Variants in ARHGAP24 observed in about 807,000 individuals in gnomAD.
The protein encoded by ARHGAP24 is rho GTPase-activating protein 24.
A neutral mutation model predicts 76.4 loss-of-function variants in ARHGAP24; 50 were observed. That is an observed-to-expected ratio of 0.65 (90% CI 0.52 to 0.83). ARHGAP24 has a LOEUF of 0.83. Ranked by LOEUF, ARHGAP24 falls within the 40% of genes least tolerant of loss-of-function variation. The probability of loss-of-function intolerance (pLI) is 0.00; values close to 1 mark genes in which losing one functional copy is unlikely to be tolerated. For synonymous variants in ARHGAP24, 345 were observed against 323.3 expected (o/e 1.07, Z -0.72); for missense variants, 930 against 914.2 (o/e 1.02, Z -0.22).
chr4:85,515,601 G>A lies in ARHGAP24; in HGVS notation c.-21+40042G>A, dbSNP rs150024052. 3.5e-4 allele frequency among the ~76,000 whole-genome samples: 53 copies of A among 151,830 alleles called. No individual in the cohort carries two copies. In the East Asian group the frequency reaches 9.7e-3, roughly 28 times the overall value. On this transcript the variant is annotated intron_variant, in intron 1 of 9. Coordinates refer to ENST00000395184, the MANE Select transcript of ARHGAP24 (RefSeq NM_001025616.3). Reference sequence around the variant, plus strand: ...CATATGTCCATAAATCATTCCATTAGCTGTTTCCAGAACTCTTCCTAGTTC... The same window carrying A: ...CATATGTCCATAAATCATTCCATTAACTGTTTCCAGAACTCTTCCTAGTTC...
intron 1 of ARHGAP24, among the ~76,000 whole-genome samples, chr4:85,487,654 TAC>T (rs60717883): frequency 1.0e-4 from 11 of 106,508 alleles, no homozygotes; most frequent in African/African-American, 4.1e-4. Flanking sequence ...ATATATTTAT[TAC>T]ATATTATATA....
intron 2 of ARHGAP24, among the ~76,000 whole-genome samples, chr4:85,677,083 A>G (rs573953504): frequency 4.6e-5 from 7 of 152,326 alleles, no homozygotes; most frequent in African/African-American, 1.4e-4. Context: ...TTATACAACA[A>G]GAAGCATTCC....
At chr4:85,899,047 G>A (rs145326115) in intron 3 of ARHGAP24, among the ~76,000 whole-genome samples, 85 of 152,232 alleles carry the variant, frequency 5.6e-4, no homozygotes, top group African/African-American at 2.0e-3. Flanking sequence ...CCCAGCCTGT[G>A]TATACATTTT....
intron 3 of ARHGAP24, among the ~76,000 whole-genome samples, chr4:85,767,097 ACTAT>A (rs1726955889): frequency 2.0e-5 from 3 of 152,148 alleles, no homozygotes; most frequent in Non-Finnish European, 4.4e-5. Context: ...AGTAGGCTAT[ACTAT>A]CTAAGTTTGT....
chr4:85,807,497 G>C (rs922233603), intron 3 of ARHGAP24, among the ~76,000 whole-genome samples: 5 of 152,198 alleles, frequency 3.3e-5, no homozygotes, highest in Non-Finnish European at 7.4e-5. Context: ...AAGTCACCAG[G>C]ATGTTGAATA....
At chr4:85,926,408 G>A (rs1191902649) in intron 4 of ARHGAP24, among the ~76,000 whole-genome samples, 2 of 152,078 alleles carry the variant, frequency 1.3e-5, no homozygotes, top group African/African-American at 4.8e-5. Context: ...CATTTAATTT[G>A]TAAGAAATCC....
At chr4:85,948,594 A>T (rs114130199) in intron 5 of ARHGAP24, among the ~76,000 whole-genome samples, 2 of 152,224 alleles carry the variant, frequency 1.3e-5, no homozygotes, top group Non-Finnish European at 2.9e-5. Flanking sequence ...TTGGCTGACA[A>T]TAAAATATTG....
At chr4:85,580,609 G>A (rs1425152734) in intron 2 of ARHGAP24, among the ~76,000 whole-genome samples, 2 of 152,090 alleles carry the variant, frequency 1.3e-5, no homozygotes, top group African/African-American at 4.8e-5. Flanking sequence ...ACTTTTTCCA[G>A]TTCTTTTGTC....
At chr4:85,539,479 G>A (rs73832791) in intron 1 of ARHGAP24, among the ~76,000 whole-genome samples, 17,175 of 151,896 alleles carry the variant, frequency 0.11, 3,091 homozygotes, top group African/African-American at 0.38. Context: ...GAAATAAATG[G>A]TCATAATCTA....
intron 2 of ARHGAP24, among the ~76,000 whole-genome samples, chr4:85,573,983 C>T (rs113191125): frequency 0.017 from 2,514 of 152,198 alleles, 77 homozygotes; most frequent in African/African-American, 0.056. Context: ...TATTTTGATG[C>T]GGTCTATTTC....
At chr4:85,599,801 A>G (rs1206926956) in intron 2 of ARHGAP24, among the ~76,000 whole-genome samples, 2 of 152,172 alleles carry the variant, frequency 1.3e-5, no homozygotes, top group African/African-American at 4.8e-5. Context: ...CAGAAATTAT[A>G]GATGTTTTGC....
In ARHGAP24 at chr4:85,864,595, T is replaced by C. The variant is rs1255127543; in HGVS notation, c.269-59053T>C. 7.2e-5 allele frequency among the ~76,000 whole-genome samples: 10 copies of C among 138,592 alleles called. No homozygotes were observed. The Admixed American group carries it at 8.0e-4, about 11-fold the overall frequency. 90.9% of individuals were successfully genotyped at this position (138,592 alleles called of 152,430 possible). ...TTATGATAGACAGGCAATTATCTGA[T>C]GTTGCAGGAAAATCAGTTTTTTTTT... is the stretch of plus-strand genomic sequence containing the variant. On this transcript the variant is annotated intron_variant, in intron 3 of 9. Transcript: ENST00000395184.
At chr4:85,653,325 T>C (rs79431344) in intron 2 of ARHGAP24, among the ~76,000 whole-genome samples, 1,743 of 152,244 alleles carry the variant, frequency 0.011, 34 homozygotes, top group African/African-American at 0.04. Context: ...GGTAATTTGG[T>C]AAAAGGGCCT....
At chr4:85,790,601 C>T (rs564933103) in intron 3 of ARHGAP24, among the ~76,000 whole-genome samples, 2 of 152,236 alleles carry the variant, frequency 1.3e-5, no homozygotes, top group South Asian at 2.1e-4. Context: ...CTTTCAACCA[C>T]AAGCATAAAG....
At chr4:85,652,693 G>C (rs971336980) in intron 2 of ARHGAP24, among the ~76,000 whole-genome samples, 4 of 152,140 alleles carry the variant, frequency 2.6e-5, no homozygotes, top group Admixed American at 2.0e-4. Flanking sequence ...AAAGAGAAGA[G>C]TGGAAATAGG....
intron 3 of ARHGAP24, among the ~76,000 whole-genome samples, chr4:85,880,948 C>T (rs77679571): frequency 7.2e-5 from 11 of 152,214 alleles, no homozygotes; most frequent in African/African-American, 2.6e-4. Flanking sequence ...CTCCGCACAC[C>T]TTTTATTTTC....
chr4:85,669,352 A>G (rs188266386), intron 2 of ARHGAP24, among the ~76,000 whole-genome samples: 1 of 152,036 alleles, frequency 6.6e-6, no homozygotes, highest in Admixed American at 6.6e-5. Flanking sequence ...ACACTGTGGC[A>G]GTGTGTTGTA....
At chr4:85,815,781 C>A (rs1461330911) in intron 3 of ARHGAP24, among the ~76,000 whole-genome samples, 1 of 152,200 alleles carries the variant, frequency 6.6e-6, no homozygotes, top group Non-Finnish European at 1.5e-5. Flanking sequence ...AGCCACACCC[C>A]ACTCTACTGT....
chr4:85,958,307 A>G (rs1264793654), intron 5 of ARHGAP24, among the ~76,000 whole-genome samples: 1 of 152,222 alleles, frequency 6.6e-6, no homozygotes, highest in Non-Finnish European at 1.5e-5. Context: ...GGAATATGTA[A>G]GTGAAATTGC....
Sources: allele counts gnomAD v4.1 joint callset (sites outside exome capture counted in the v4.1 genomes callset), GRCh38; gene constraint gnomAD v4.1.1; transcripts MANE v1.5; gene names NCBI Gene and HGNC (gene_info 2026-07-23, HGNC 2026-07-21).